THOC2: variants seen among roughly 807,000 people sequenced by gnomAD.
THOC2 encodes THO complex subunit 2.
THOC2 carries 10 observed loss-of-function variants against 128.4 expected under a neutral mutation model. The observed-to-expected ratio is 0.08, with a 90% CI of 0.05 to 0.13. The LOEUF (loss-of-function observed/expected upper bound fraction) is 0.13. Ranked by LOEUF, THOC2 falls within the 10% of genes least tolerant of loss-of-function variation. THOC2 has a pLI of 1.00. For synonymous variants in THOC2, 393 were observed against 396.9 expected (o/e 0.99, Z 0.12); for missense variants, 535 against 1,155.7 (o/e 0.46, Z 7.79).
At chrX:123,728,297 G>T (rs893915243) in intron 1 of THOC2, among the ~76,000 whole-genome samples, 2 of 109,329 alleles carry the variant, frequency 1.8e-5, no homozygotes, top group African/African-American at 6.6e-5. Context: ...AAAAGCACAA[G>T]TATATTGACA....
At chrX:123,694,164 A>G (rs773178280) in intron 7 of THOC2, among the ~76,000 whole-genome samples, 2 of 103,465 alleles carry the variant, frequency 1.9e-5, no homozygotes, top group Admixed American at 2.1e-4. Context: ...ATATAAAGTT[A>G]AAAAAAAAAA....
rs1456482607 is a variant in THOC2 at position 123,625,903 on chromosome X, A to T, written c.3057+9T>A. 3 of 1,203,900 alleles carry T rather than the reference A, an allele frequency of 2.5e-6. No homozygotes were observed. In the South Asian group the frequency reaches 5.5e-5, roughly 22 times the overall value. On this transcript the variant is annotated intron_variant, in intron 25 of 38. Coordinates refer to ENST00000245838, the MANE Select transcript of THOC2 (RefSeq NM_001081550.2). ...TGAGAACTTTTTAAAGGTTGCAATA[A>T]AAACTTACTCGATCATAGCAAAGAA...
intron 7 of THOC2, among the ~76,000 whole-genome samples, chrX:123,688,369 AACAGTACACAC>A (rs1166232940): frequency 1.8e-5 from 2 of 112,265 alleles, no homozygotes; most frequent in Non-Finnish European, 3.8e-5. Context: ...GCCAGACAAA[AACAGTACACAC>A]TGTACGATTC....
At chrX:123,719,503 T>C (rs2051591879) in intron 1 of THOC2, among the ~76,000 whole-genome samples, 2 of 109,895 alleles carry the variant, frequency 1.8e-5, no homozygotes, top group South Asian at 7.7e-4. Flanking sequence ...GAGACCAGCC[T>C]GGGCAACCTA....
intron 12 of THOC2, among the ~76,000 whole-genome samples, chrX:123,664,189 G>A (rs369996014): frequency 2.7e-5 from 3 of 111,950 alleles, no homozygotes; most frequent in East Asian, 2.8e-4. Flanking sequence ...TTGAGGAATC[G>A]CCACACTGTC....
Position 123,696,052 on chromosome X carries a change from A to G in THOC2, c.570T>C (p.Asp190=). ...GQDLSGSITS[D]LILENIKSLI... The stretch of plus-strand genomic sequence containing the variant: ...AAGATTTGATATTTTCTAAGATTAA[A>G]TCACTAGTAATACTTCCAGATAAAT... The change falls in exon 7 of 39, where the codon GAT becomes GAC. Residue 190 remains aspartate (D), a synonymous_variant. Coordinates refer to ENST00000245838, the MANE Select transcript of THOC2 (RefSeq NM_001081550.2). 1 of 1,113,707 alleles carries G rather than the reference A, an allele frequency of 9.0e-7. No individual in the cohort carries two copies. Among genetic ancestry groups the G allele is most frequent in the Non-Finnish European group, 1.2e-6 (1 of 808,205 alleles). 91.8% of individuals were successfully genotyped at this position (1,113,707 alleles called of 1,213,427 possible). A position where few individuals can be genotyped will look rare whatever the true frequency, so the allele number is the denominator to read the frequency against.
intron 30 of THOC2, 38 bp from the exon 31 acceptor site, chrX:123,621,625 C>T: frequency 2.1e-6 from 2 of 957,802 alleles, no homozygotes; most frequent in Non-Finnish European, 2.8e-6. Context: ...CACAAATAAT[C>T]ATAAAATATA....
chrX:123,677,152 A>G (rs1480305780), intron 8 of THOC2, among the ~76,000 whole-genome samples: 1 of 111,800 alleles, frequency 8.9e-6, no homozygotes, highest in Non-Finnish European at 1.9e-5. Context: ...CTGTAACACA[A>G]TGATAAGTGT....
At chrX:123,675,522 T>C (rs1295720275) in intron 8 of THOC2, among the ~76,000 whole-genome samples, 2 of 109,741 alleles carry the variant, frequency 1.8e-5, no homozygotes, top group African/African-American at 6.7e-5. Context: ...GCACCTGTAG[T>C]CCCAGCTGTA....
In THOC2 at chrX:123,696,172, T is replaced by A; in HGVS notation, c.468-18A>T. Reference sequence around the variant, plus strand: ...GCTTATAACTGAAATCAGATAAATATCATTAAGGGGATAAAATTAATTTTA... The same window carrying A: ...GCTTATAACTGAAATCAGATAAATAACATTAAGGGGATAAAATTAATTTTA... On this transcript the variant is annotated intron_variant, in intron 6 of 38. Transcript: ENST00000245838. The A allele has an allele frequency of 9.3e-7, 1 of 1,076,092 alleles. No homozygotes were observed. Among genetic ancestry groups the A allele is most frequent in the Non-Finnish European group, 1.3e-6 (1 of 781,762 alleles). 88.7% of individuals were successfully genotyped at this position (1,076,092 alleles called of 1,213,427 possible). A position where few individuals can be genotyped will look rare whatever the true frequency, so the allele number is the denominator to read the frequency against.
At chrX:123,638,258 T>C (rs2047752144) in intron 17 of THOC2, 135 bp from the exon 18 acceptor site, 1 of 401,720 alleles carries the variant, frequency 2.5e-6, no homozygotes, top group Non-Finnish European at 4.3e-6. Flanking sequence ...CCAGGGATGT[T>C]GCTAAAACTA....
intron 19 of THOC2, among the ~76,000 whole-genome samples, 176 bp downstream of exon 19, chrX:123,635,903 A>G (rs903455259): frequency 1.8e-5 from 2 of 112,185 alleles, no homozygotes; most frequent in African/African-American, 3.2e-5. Context: ...AAAGGTGTCT[A>G]TTTATGTATT....
intron 9 of THOC2, among the ~76,000 whole-genome samples, chrX:123,669,996 G>A (rs2049205476): frequency 8.9e-6 from 1 of 112,131 alleles, no homozygotes; most frequent in Admixed American, 9.4e-5. Flanking sequence ...ACTGCTAAAT[G>A]CAATCATAAT....
In THOC2 at chrX:123,671,746, T is replaced by C. The variant is rs1412537425; in HGVS notation, c.784A>G (p.Thr262Ala). The C allele has an allele frequency of 8.5e-7, 1 of 1,173,048 alleles. No homozygotes were observed. Among genetic ancestry groups the C allele is most frequent in the Non-Finnish European group, 1.1e-6 (1 of 872,978 alleles). ...GCAACTCTGTATAAAGATGATGGTG[T>C]CTCGCCATTTGGTTCCTAGAAATAT... Reference protein sequence around the residue: ...FKFYQEPNGETPSSLYRVAAV... With the variant: ...FKFYQEPNGEAPSSLYRVAAV... The change falls in exon 9 of 39, where the codon ACA becomes GCA. Residue 262 changes from threonine (T) to alanine (A), a missense_variant. Physicochemically the swap from Thr to Ala is moderately conservative, Grantham distance 58. Coordinates refer to ENST00000245838, the MANE Select transcript of THOC2 (RefSeq NM_001081550.2).
Position 123,689,617 on chromosome X carries a change from A to G in THOC2, c.602-2903T>C, listed in dbSNP as rs750852149. Among the ~76,000 whole-genome samples the G allele has an allele frequency of 2.7e-5, 3 of 110,419 alleles. No homozygotes were observed. The South Asian group carries it at 1.2e-3, about 43-fold the overall frequency. ...AACTTTTTTGTAGAGATGGGGACTC[A>G]CTATGTTGCCCAGGCTGGTCTCAAA... is the stretch of plus-strand genomic sequence containing the variant. On this transcript the variant is annotated intron_variant, in intron 7 of 38. Coordinates refer to ENST00000245838, the MANE Select transcript of THOC2 (RefSeq NM_001081550.2).
chrX:123,601,449 A>T (rs1289250698), intron 38 of THOC2, 111 bp from the exon 39 acceptor site: 1 of 87,225 alleles, frequency 1.1e-5, no homozygotes. Context: ...GGAAGGGAGA[A>T]GGAGAGAAGG....
At chrX:123,618,486 G>A (rs2147572710) in intron 33 of THOC2, among the ~76,000 whole-genome samples, 1 of 111,664 alleles carries the variant, frequency 9.0e-6, no homozygotes, top group African/African-American at 3.2e-5. Flanking sequence ...AGTTAGTAAT[G>A]TCAACTGGCT....
chrX:123,611,200 C>T (rs2147535998), intron 37 of THOC2, among the ~76,000 whole-genome samples: 1 of 111,263 alleles, frequency 9.0e-6, no homozygotes, highest in South Asian at 3.8e-4. Context: ...ACCTGAAAGA[C>T]TATAAATCCC....
At chrX:123,659,395 AC>A (rs1292946459) in intron 12 of THOC2, among the ~76,000 whole-genome samples, 1 of 112,073 alleles carries the variant, frequency 8.9e-6, no homozygotes, top group African/African-American at 3.2e-5. Context: ...ACATGGTGAA[AC>A]CCCGTCTCTG....
Sources: gnomAD v4.1 joint callset for allele counts (sites outside exome capture counted in the v4.1 genomes callset) on GRCh38, gnomAD v4.1.1 for gene constraint, MANE v1.5 for transcripts, NCBI Gene and HGNC (gene_info 2026-07-23, HGNC 2026-07-21) for gene names.